PPFIBP1: variants seen among roughly 807,000 people sequenced by gnomAD.
PPFIBP1 encodes the protein PPFIB scaffold protein 1, also known as liprin-beta-1.
PPFIBP1 carries 112 observed loss-of-function variants against 137.8 expected under a neutral mutation model. The ratio of observed to expected loss-of-function variants is 0.81; its 90% confidence interval spans 0.70 to 0.95. PPFIBP1 has a LOEUF of 0.95. Among genes scored for constraint, PPFIBP1 ranks in the 40% least tolerant of loss-of-function variants. The probability of loss-of-function intolerance (pLI) is 0.00; values close to 1 mark genes in which losing one functional copy is unlikely to be tolerated. For synonymous variants in PPFIBP1, 378 were observed against 417.3 expected, an observed-to-expected ratio of 0.91 and a Z score of 1.15; for missense variants, 1,083 against 1,196.6, an observed-to-expected ratio of 0.91 and a Z score of 1.40.
chr12:27,599,033 A>T (rs897632994), intron 2 of PPFIBP1, among the ~76,000 whole-genome samples: 1 of 152,228 alleles, frequency 6.6e-6, no homozygotes, highest in Non-Finnish European at 1.5e-5. Context: ...ACTTCCTAAG[A>T]TCCATTTGAC....
intron 1 of PPFIBP1, among the ~76,000 whole-genome samples, chr12:27,562,960 T>G (rs1447124085): frequency 6.6e-6 from 1 of 152,026 alleles, no homozygotes; most frequent in African/African-American, 2.4e-5. Context: ...ATGGATATTG[T>G]GTGCATAATT....
intron 1 of PPFIBP1, among the ~76,000 whole-genome samples, chr12:27,524,623 C>T (rs960729828): frequency 2.0e-5 from 3 of 152,000 alleles, no homozygotes; most frequent in African/African-American, 7.2e-5. Flanking sequence ...ATCCTTAGAC[C>T]CCCACACCCT....
chr12:27,585,998 G>A (rs368702847), intron 2 of PPFIBP1, among the ~76,000 whole-genome samples: 20 of 152,332 alleles, frequency 1.3e-4, no homozygotes, highest in African/African-American at 4.8e-4. Context: ...ACTTTATTCT[G>A]TAGTCATTAG....
intron 7 of PPFIBP1, among the ~76,000 whole-genome samples, chr12:27,653,543 CG>C (rs2059009167): frequency 7.4e-6 from 1 of 135,958 alleles, no homozygotes; most frequent in African/African-American, 2.8e-5. Context: ...GCTGAGATGG[CG>C]GCACTGCACT....
intron 1 of PPFIBP1, among the ~76,000 whole-genome samples, chr12:27,565,394 T>G (rs1367537222): frequency 2.0e-5 from 3 of 152,206 alleles, no homozygotes; most frequent in Non-Finnish European, 4.4e-5. Context: ...TGAAGTCACA[T>G]TTTTGGAAAT....
At position 27,551,645 on chromosome 12, in the gene PPFIBP1, G is replaced by A. The variant is rs564486606; in HGVS notation, c.-123-26507G>A. ...CTTCCTACAACTTTTAGGCTACGGC[G>A]TGTAGTCTCCGGTGCCAAGAGAGCT... On this transcript the variant is annotated intron_variant, in intron 1 of 29. Transcript: ENST00000228425. 2.4e-4 allele frequency among the ~76,000 whole-genome samples: 37 copies of A among 152,302 alleles called. No homozygotes were observed. The South Asian group carries it at 6.4e-3, about 26-fold the overall frequency.
chr12:27,633,155 G>A lies in PPFIBP1; in HGVS notation c.-35-207G>A, dbSNP rs142342304. On this transcript the variant is annotated intron_variant, in intron 2 of 29. Coordinates refer to ENST00000228425, the MANE Select transcript of PPFIBP1 (RefSeq NM_003622.4). ...TGGATTTTAAACACCTCAAGTGCAA[G>A]AATGGAATCTTCTTTATTAACTGAT... 3.2e-3 allele frequency among the ~76,000 whole-genome samples: 480 copies of A among 152,228 alleles called. 1 individual carries two copies. Among genetic ancestry groups the A allele is most frequent in the African/African-American group, 0.011 (465 of 41,544 alleles).
intron 1 of PPFIBP1, among the ~76,000 whole-genome samples, chr12:27,552,258 C>T (rs936271277): frequency 3.3e-5 from 5 of 152,128 alleles, no homozygotes; most frequent in Admixed American, 6.5e-5. Flanking sequence ...GAATGTATTG[C>T]GGGCATTTCT....
intron 2 of PPFIBP1, among the ~76,000 whole-genome samples, chr12:27,621,627 G>A (rs1174138754): frequency 6.6e-6 from 1 of 152,164 alleles, no homozygotes; most frequent in Non-Finnish European, 1.5e-5. Flanking sequence ...AAAGGAACAA[G>A]CAGTGTTGGC....
At position 27,676,457 on chromosome 12, in the gene PPFIBP1, T is replaced by C; in HGVS notation, c.1440T>C (p.Phe480=). The change falls in exon 18 of 30, where the codon TTT becomes TTC. Residue 480 remains phenylalanine (F), a synonymous_variant. Transcript: ENST00000228425. ...GAGCTCCGGCAGAAAGCAGGCCATT[T>C]GGGACCCTTCCTCCCAGGCCCCCAG... ...EDRAPAESRP[F]GTLPPRPPGQ... is the part of the protein sequence containing the mutation. 6.4e-7 allele frequency: 1 copy of C among 1,566,772 alleles called. No homozygotes were observed. The highest frequency in any genetic ancestry group is 8.6e-7 in the Non-Finnish European group (1 of 1,157,114).
At chr12:27,618,698 G>C (rs1460789888) in intron 2 of PPFIBP1, among the ~76,000 whole-genome samples, 3 of 152,160 alleles carry the variant, frequency 2.0e-5, no homozygotes, top group Non-Finnish European at 4.4e-5. Context: ...ATGTATAAAA[G>C]CAAGTTGTAG....
At chr12:27,533,575 G>C (rs1944636470) in intron 1 of PPFIBP1, among the ~76,000 whole-genome samples, 1 of 152,120 alleles carries the variant, frequency 6.6e-6, no homozygotes, top group Non-Finnish European at 1.5e-5. Context: ...TCTGTACTTG[G>C]GGTGTTAAAA....
intron 2 of PPFIBP1, among the ~76,000 whole-genome samples, chr12:27,624,907 G>T (rs560243368): frequency 6.6e-6 from 1 of 152,136 alleles, no homozygotes; most frequent in Non-Finnish European, 1.5e-5. Context: ...TGAAAATTTT[G>T]TGGTTTAAAT....
intron 8 of PPFIBP1, among the ~76,000 whole-genome samples, chr12:27,656,095 G>T (rs1041754971): frequency 2.0e-5 from 3 of 152,170 alleles, no homozygotes; most frequent in African/African-American, 7.2e-5. Flanking sequence ...AGTGATGAGG[G>T]TGAATTATTT....
intron 1 of PPFIBP1, among the ~76,000 whole-genome samples, chr12:27,569,028 C>T (rs973447319): frequency 6.6e-6 from 1 of 152,076 alleles, no homozygotes; most frequent in South Asian, 2.1e-4. Context: ...CCAACTGAAT[C>T]CCCTAAATGC....
intron 2 of PPFIBP1, among the ~76,000 whole-genome samples, chr12:27,611,035 C>T (rs1251560569): frequency 2.0e-5 from 3 of 152,134 alleles, no homozygotes; most frequent in Admixed American, 6.5e-5. Context: ...TGCCAGATCT[C>T]TCAGCAGGAA....
chr12:27,574,655 G>T (rs975238248), intron 1 of PPFIBP1, among the ~76,000 whole-genome samples: 1 of 152,140 alleles, frequency 6.6e-6, no homozygotes, highest in East Asian at 1.9e-4. Context: ...ATAACTAACA[G>T]ACCTTTTGAG....
intron 7 of PPFIBP1, among the ~76,000 whole-genome samples, chr12:27,652,307 C>T (rs1260664863): frequency 6.6e-6 from 1 of 152,124 alleles, no homozygotes; most frequent in Admixed American, 6.6e-5. Context: ...CAGGACTTGT[C>T]CCTGGAATTG....
rs549262983 is a variant in PPFIBP1 at position 27,677,034 on chromosome 12, T to C, written c.1583-30T>C. On this transcript the variant is annotated intron_variant, in intron 18 of 29. Coordinates refer to ENST00000228425, the MANE Select transcript of PPFIBP1 (RefSeq NM_003622.4). ...TGTGTTCTCTCCATTGGGCTGCGTG[T>C]GATTGTGTGCGTTGTTGGGATATCT... The C allele has an allele frequency of 2.5e-6, 4 of 1,614,176 alleles. No individual in the cohort carries two copies. The South Asian group carries it at 4.4e-5, about 18-fold the overall frequency.
Sources: allele counts gnomAD v4.1 joint callset (sites outside exome capture counted in the v4.1 genomes callset), GRCh38; gene constraint gnomAD v4.1.1; transcripts MANE v1.5; gene names NCBI Gene and HGNC (gene_info 2026-07-23, HGNC 2026-07-21).